Variants in SH3GL1 observed in about 807,000 individuals in gnomAD.
SH3GL1 encodes the protein endophilin-A2.
SH3GL1 carries 21 observed loss-of-function variants against 48.8 expected under a neutral mutation model. That is an observed-to-expected ratio of 0.43 (90% CI 0.30 to 0.62). SH3GL1 has a LOEUF of 0.62. Among genes scored for constraint, SH3GL1 ranks in the 20% least tolerant of loss-of-function variants. SH3GL1 has a pLI of 0.11. For synonymous variants in SH3GL1, 282 were observed against 217.5 expected, an observed-to-expected ratio of 1.30 and a Z score of -2.61; for missense variants, 454 against 503.0, an observed-to-expected ratio of 0.90 and a Z score of 0.93.
intron 1 of SH3GL1, among the ~76,000 whole-genome samples, chr19:4,370,148 C>T (rs933374716): frequency 2.6e-5 from 4 of 152,352 alleles, no homozygotes; most frequent in East Asian, 1.9e-4. Context: ...GTGTTCCTAA[C>T]CCTGGTGCCA....
Position 4,382,984 on chromosome 19 carries a change from T to C in SH3GL1, c.46-15990A>G, listed in dbSNP as rs565247699. Among the ~76,000 whole-genome samples, 160 of 152,296 alleles carry C rather than the reference T, an allele frequency of 1.1e-3. 2 individuals carry two copies. In the South Asian group the frequency reaches 0.012, roughly 12 times the overall value. On this transcript the variant is annotated intron_variant, in intron 1 of 9. Coordinates refer to ENST00000269886, the MANE Select transcript of SH3GL1 (RefSeq NM_003025.4). The stretch of plus-strand genomic sequence containing the variant: ...CCCAGGCTGGAGTACAGTGGCACAA[T>C]CTTGGCTCACTGCAACCTCTGCCTC...
At chr19:4,380,952 A>T (rs1009168923) in intron 1 of SH3GL1, among the ~76,000 whole-genome samples, 4 of 152,060 alleles carry the variant, frequency 2.6e-5, no homozygotes, top group African/African-American at 7.2e-5. Context: ...AACATGGCAA[A>T]GTGAACCGGT....
chr19:4,364,866 T>TTTTGTGTGTGTGTG (rs1972729538), intron 4 of SH3GL1, among the ~76,000 whole-genome samples: 3 of 97,168 alleles, frequency 3.1e-5, no homozygotes, highest in Non-Finnish European at 5.5e-5. Context: ...ACCCGGCTAA[T>TTTTGTGTGTGTGTG]TGTGTGTGTG....
chr19:4,366,484 G>A lies in SH3GL1; in HGVS notation c.187+17C>T. The A allele has an allele frequency of 6.2e-7, 1 of 1,603,778 alleles. No individual in the cohort carries two copies. Among genetic ancestry groups the A allele is most frequent in the African/African-American group, 1.3e-5 (1 of 74,888 alleles). Reference sequence around the variant, plus strand: ...AGAGGGCCTGGGGCAGGCCCTGGCAGTGGCTGGAGCACCCACCTGGGTTGG... The same window carrying A: ...AGAGGGCCTGGGGCAGGCCCTGGCAATGGCTGGAGCACCCACCTGGGTTGG... On this transcript the variant is annotated intron_variant, in intron 3 of 9. Transcript: ENST00000269886.
At chr19:4,385,152 A>T (rs1300268292) in intron 1 of SH3GL1, among the ~76,000 whole-genome samples, 3 of 151,138 alleles carry the variant, frequency 2.0e-5, no homozygotes, top group Non-Finnish European at 4.4e-5. Flanking sequence ...AAAGCACGTG[A>T]TCCTGTTGAC....
intron 8 of SH3GL1, 28 bp from the exon 9 acceptor site, chr19:4,362,413 T>TG (rs1568405676): frequency 8.7e-6 from 14 of 1,603,930 alleles, no homozygotes; most frequent in Non-Finnish European, 1.2e-5. Flanking sequence ...GAGGAGGCTG[T>TG]GGGCTCAAAA....
intron 1 of SH3GL1, among the ~76,000 whole-genome samples, chr19:4,372,693 C>T (rs1972926540): frequency 6.6e-6 from 1 of 152,208 alleles, no homozygotes; most frequent in Non-Finnish European, 1.5e-5. Context: ...ATGGCCACCT[C>T]GAGTCCATCA....
At position 4,400,509 on chromosome 19, in the gene SH3GL1, C is replaced by T. The variant is rs1973505767; in HGVS notation, c.-141G>A. On this transcript the variant is annotated 5_prime_UTR_variant, in exon 1 of 10. Transcript: ENST00000269886. This position sits in a 1 kb window ranked among gnomAD's most constrained non-coding sequence, Gnocchi z 4.1. ...TGCCAGCTCCGCGCCCGCCCCGGCG[C>T]CGCCTCAGCCGCTCGCGCGCCCGCG... is the stretch of plus-strand genomic sequence containing the variant. 1 of 580,264 alleles carries T rather than the reference C, an allele frequency of 1.7e-6. No individual in the cohort carries two copies. The highest frequency in any genetic ancestry group is 2.2e-6 in the Non-Finnish European group (1 of 452,958). 35.9% of individuals were successfully genotyped at this position (580,264 alleles called of 1,614,324 possible).
intron 1 of SH3GL1, among the ~76,000 whole-genome samples, chr19:4,374,010 C>G (rs1972956104): frequency 6.6e-6 from 1 of 152,236 alleles, no homozygotes; most frequent in Non-Finnish European, 1.5e-5. Flanking sequence ...GCTCTTGGAG[C>G]TGGAGAAAGG....
chr19:4,364,108 T>C lies in SH3GL1; in HGVS notation c.445A>G (p.Lys149Glu), dbSNP rs201291309. 2 of 1,613,168 alleles carry C rather than the reference T, an allele frequency of 1.2e-6. No individual in the cohort carries two copies. The highest frequency in any genetic ancestry group is 1.7e-6 in the Non-Finnish European group (2 of 1,180,024). ...FIDPLQNLCE[K>E]DLKEIQHHLK... ...AGCACCTGGATCTCCTTCAGGTCTT[T>C]CTCGCACAGGTTCTGGAGGGGGTCA... Residue 149 changes from lysine to glutamate, a missense_variant, in exon 5 of 10, where the codon AAA becomes GAA. Lys to Glu is a moderately conservative substitution (Grantham distance 56). Around this residue, in one of 2 missense-constraint regions of SH3GL1, gnomAD observed 176 missense variants for 256.2 expected, o/e 0.69. Transcript: ENST00000269886.
intron 1 of SH3GL1, among the ~76,000 whole-genome samples, chr19:4,393,035 A>C (rs149200037): frequency 1.3e-5 from 2 of 152,282 alleles, no homozygotes; most frequent in Non-Finnish European, 2.9e-5. Context: ...AGGCAGGAGG[A>C]TCACCACCTG....
chr19:4,363,708 C>T lies in SH3GL1; in HGVS notation c.624+12G>A, dbSNP rs572352608. ...TAGGTCTTCTCAGGATGTGACACCCCGAGCTACTCACGTCAGTCTCCAGGA... is the reference window on the plus strand; with the variant it reads ...TAGGTCTTCTCAGGATGTGACACCCTGAGCTACTCACGTCAGTCTCCAGGA... On this transcript the variant is annotated intron_variant, in intron 6 of 9. Coordinates refer to ENST00000269886, the MANE Select transcript of SH3GL1 (RefSeq NM_003025.4). 1.2e-5 allele frequency: 19 copies of T among 1,612,674 alleles called. No homozygotes were observed. In the Middle Eastern group the frequency reaches 1.3e-3, roughly 113 times the overall value.
chr19:4,361,665 G>T lies in SH3GL1; in HGVS notation c.1042C>A (p.Leu348Met). ...GGGAAGAAGCCCGACTGGCCGTCCA[G>T]CATGCCCTCGTACCAGTTCTCATCG... is the stretch of plus-strand genomic sequence containing the variant. The part of the protein sequence containing the change: ...QIDENWYEGM[L>M]DGQSGFFPLS... The change falls in exon 10 of 10, where the codon CTG becomes ATG. Residue 348 changes from leucine (L) to methionine (M), a missense_variant. Around this residue, in one of 2 missense-constraint regions of SH3GL1, gnomAD observed 278 missense variants for 246.8 expected, o/e 1.13. Transcript: ENST00000269886. The T allele has an allele frequency of 1.2e-6, 2 of 1,612,294 alleles. No individual in the cohort carries two copies. The highest frequency in any genetic ancestry group is 8.5e-7 in the Non-Finnish European group (1 of 1,179,772).
At chr19:4,371,979 T>C (rs1016714971) in intron 1 of SH3GL1, among the ~76,000 whole-genome samples, 3 of 151,704 alleles carry the variant, frequency 2.0e-5, no homozygotes, top group African/African-American at 4.8e-5. Flanking sequence ...AGGCCTCATC[T>C]TTTTTTTTCT....
At chr19:4,387,774 C>T (rs1973263135) in intron 1 of SH3GL1, among the ~76,000 whole-genome samples, 2 of 151,978 alleles carry the variant, frequency 1.3e-5, no homozygotes, top group African/African-American at 4.8e-5. Flanking sequence ...ACCTTCACCT[C>T]GCAGGTTCCA....
chr19:4,396,651 T>C (rs932198518), intron 1 of SH3GL1, among the ~76,000 whole-genome samples: 2 of 152,094 alleles, frequency 1.3e-5, no homozygotes, highest in African/African-American at 4.8e-5. Context: ...GGTATAATTA[T>C]CCTCATTTTT....
At chr19:4,378,742 C>G (rs1447171283) in intron 1 of SH3GL1, among the ~76,000 whole-genome samples, 1 of 152,022 alleles carries the variant, frequency 6.6e-6, no homozygotes, top group East Asian at 1.9e-4. Flanking sequence ...AAACAGAAAC[C>G]ATACACCACC....
In SH3GL1 at chr19:4,400,507, C is replaced by A; in HGVS notation, c.-139G>T. On this transcript the variant is annotated 5_prime_UTR_variant, in exon 1 of 10. Coordinates refer to ENST00000269886, the MANE Select transcript of SH3GL1 (RefSeq NM_003025.4). The surrounding 1 kb of genome is among the most constrained non-coding windows in gnomAD (Gnocchi z 4.1). ...CTTGCCAGCTCCGCGCCCGCCCCGG[C>A]GCCGCCTCAGCCGCTCGCGCGCCCG... 1 of 659,508 alleles carries A rather than the reference C, an allele frequency of 1.5e-6. No individual in the cohort carries two copies. The highest frequency in any genetic ancestry group is 1.9e-6 in the Non-Finnish European group (1 of 522,438). 40.9% of individuals were successfully genotyped at this position (659,508 alleles called of 1,614,324 possible).
In SH3GL1 at chr19:4,376,244, T is replaced by C. The variant is rs1213220375; in HGVS notation, c.46-9250A>G. Among the ~76,000 whole-genome samples the C allele has an allele frequency of 6.6e-6, 1 of 152,174 alleles. No individual in the cohort carries two copies. The highest frequency in any genetic ancestry group is 2.4e-5 in the African/African-American group (1 of 41,436). ...AAGGACTTCCATTTCTTTGTGACTG[T>C]GGGCCACCATGGGCATGAGTCACCT... On this transcript the variant is annotated intron_variant, in intron 1 of 9. Coordinates refer to ENST00000269886, the MANE Select transcript of SH3GL1 (RefSeq NM_003025.4). The surrounding 1 kb of genome is among the most constrained non-coding windows in gnomAD (Gnocchi z 4.3).
Sources: gnomAD v4.1 joint callset for allele counts (sites outside exome capture counted in the v4.1 genomes callset) on GRCh38, gnomAD v4.1.1 for gene constraint, gnomAD v4.1.1 regional missense constraint, Gnocchi (gnomAD v3.1) non-coding constraint, MANE v1.5 for transcripts, NCBI Gene and HGNC (gene_info 2026-07-23, HGNC 2026-07-21) for gene names.